The following ZNF407 variants were observed in gnomAD, a reference collection of about 807,000 sequenced individuals.
ZNF407 encodes zinc finger protein 407.
Under a neutral mutation model 131.2 loss-of-function variants are expected in ZNF407, and 17 were observed. The ratio of observed to expected loss-of-function variants is 0.13; its 90% CI spans 0.09 to 0.19. ZNF407 has a LOEUF of 0.19. Ranked by LOEUF, ZNF407 falls within the 10% of genes least tolerant of loss-of-function variation. The probability of loss-of-function intolerance (pLI) is 1.00; values close to 1 mark genes in which losing one functional copy is unlikely to be tolerated. For synonymous variants in ZNF407, 1,156 were observed against 1,062.0 expected, an observed-to-expected ratio of 1.09 and a Z score of -1.72; for missense variants, 2,681 against 2,830.6, an observed-to-expected ratio of 0.95 and a Z score of 1.20.
intron 4 of ZNF407, among the ~76,000 whole-genome samples, chr18:74,829,674 C>T (rs537131244): frequency 1.4e-4 from 21 of 152,242 alleles, no homozygotes; most frequent in Non-Finnish European, 2.4e-4. Flanking sequence ...GAGACAAAAA[C>T]ACTCTGGAAT....
chr18:74,602,686 G>A (rs762630689), intron 1 of ZNF407, among the ~76,000 whole-genome samples: 3 of 152,172 alleles, frequency 2.0e-5, no homozygotes, highest in Non-Finnish European at 4.4e-5. Flanking sequence ...TTAAATGGTA[G>A]AGCCAGGATT....
At chr18:74,837,920 T>C (rs924060976) in intron 4 of ZNF407, among the ~76,000 whole-genome samples, 3 of 152,178 alleles carry the variant, frequency 2.0e-5, no homozygotes. Context: ...TTCCAAAGTG[T>C]TGGGATTACA....
intron 4 of ZNF407, among the ~76,000 whole-genome samples, chr18:74,841,934 G>A (rs1159884783): frequency 6.6e-6 from 1 of 152,124 alleles, no homozygotes; most frequent in African/African-American, 2.4e-5. Flanking sequence ...TCCTAAAATT[G>A]TGAACTTTCT....
At chr18:74,602,476 A>G (rs955855189) in intron 1 of ZNF407, among the ~76,000 whole-genome samples, 1 of 152,248 alleles carries the variant, frequency 6.6e-6, no homozygotes, top group African/African-American at 2.4e-5. Context: ...ACTTAGGGAC[A>G]GTAAAAGGCA....
intron 8 of ZNF407, among the ~76,000 whole-genome samples, chr18:74,996,370 A>G (rs1972780449): frequency 6.6e-6 from 1 of 152,226 alleles, no homozygotes; most frequent in Non-Finnish European, 1.5e-5. Flanking sequence ...ATCACTTATT[A>G]TGGCAGTAAA....
intron 3 of ZNF407, among the ~76,000 whole-genome samples, chr18:74,756,711 A>C (rs538074787): frequency 6.7e-6 from 1 of 148,938 alleles, no homozygotes; most frequent in Non-Finnish European, 1.5e-5. Context: ...TCTGTGTACA[A>C]GATCCTGTCA....
Position 74,632,923 on chromosome 18 carries a change from C to T in ZNF407, c.1904C>T (p.Ala635Val). ...GAAAAAGATGTGGAAGAACACAAAG[C>T]CACCGAGAAGCATATTAATTCATTG... Reference protein sequence around the residue: ...LSEKDVEEHKATEKHINSLVQ... With the variant: ...LSEKDVEEHKVTEKHINSLVQ... The change falls in exon 2 of 9, where the codon GCC becomes GTC. Residue 635 changes from alanine (A) to valine (V), a missense_variant. Around this residue, in one of 6 missense-constraint regions of ZNF407, gnomAD observed 1,789 missense variants for 1,748.7 expected, o/e 1.02. Transcript: ENST00000299687. 1 of 1,612,860 alleles carries T rather than the reference C, an allele frequency of 6.2e-7. No homozygotes were observed. Among genetic ancestry groups the T allele is most frequent in the South Asian group, 1.1e-5 (1 of 91,038 alleles).
chr18:74,722,483 C>A (rs1329509991), intron 3 of ZNF407, among the ~76,000 whole-genome samples: 6 of 152,166 alleles, frequency 3.9e-5, no homozygotes, highest in Non-Finnish European at 5.9e-5. Context: ...TCCTCATTGG[C>A]TTTCTGTCAA....
intron 7 of ZNF407, among the ~76,000 whole-genome samples, chr18:74,892,617 A>G (rs1971400876): frequency 6.6e-6 from 1 of 152,166 alleles, no homozygotes; most frequent in Non-Finnish European, 1.5e-5. Flanking sequence ...CGTTGTTTAG[A>G]ATACCTGCCA....
intron 7 of ZNF407, among the ~76,000 whole-genome samples, chr18:74,899,232 A>T (rs1342812583): frequency 6.6e-6 from 1 of 152,214 alleles, no homozygotes. Flanking sequence ...TGAGTCAGAG[A>T]GGGATCCAAC....
intron 1 of ZNF407, among the ~76,000 whole-genome samples, chr18:74,612,787 G>A (rs948625623): frequency 1.3e-5 from 2 of 152,176 alleles, no homozygotes; most frequent in Non-Finnish European, 2.9e-5. Context: ...TTGCCCATGG[G>A]CACAGAGAGA....
At chr18:74,819,615 C>A (rs941350192) in intron 4 of ZNF407, among the ~76,000 whole-genome samples, 2 of 152,120 alleles carry the variant, frequency 1.3e-5, no homozygotes, top group Non-Finnish European at 2.9e-5. Flanking sequence ...ATTCCTAGGA[C>A]GGGACCTGTG....
intron 4 of ZNF407, among the ~76,000 whole-genome samples, chr18:74,815,992 G>A (rs1245784365): frequency 6.6e-6 from 1 of 152,138 alleles, no homozygotes; most frequent in Non-Finnish European, 1.5e-5. Context: ...TCTAAGTATG[G>A]ACTGCGTTTA....
At chr18:75,029,140 T>G (rs1392708838) in intron 8 of ZNF407, among the ~76,000 whole-genome samples, 1 of 152,194 alleles carries the variant, frequency 6.6e-6, no homozygotes, top group Non-Finnish European at 1.5e-5. Flanking sequence ...GAAAATTCAT[T>G]GCCAAAATTT....
At chr18:74,777,751 C>CTCAT (rs57785452) in intron 3 of ZNF407, among the ~76,000 whole-genome samples, 95,313 of 150,480 alleles carry the variant, frequency 0.63, 31,329 homozygotes, top group East Asian at 0.83. Context: ...CTCTCTCTCT[C>CTCAT]ATTCACTCAA....
rs1599132905 is a variant in ZNF407, at chr18:74,617,127, C to T, written c.-53-13840C>T. On this transcript the variant is annotated intron_variant, in intron 1 of 8. Coordinates refer to ENST00000299687, the MANE Select transcript of ZNF407 (RefSeq NM_017757.3). Reference sequence around the variant, plus strand: ...TCCATATCCACACACCACACACATCCATATCCACACACCACACACATCCAT... The same window carrying T: ...TCCATATCCACACACCACACACATCTATATCCACACACCACACACATCCAT... 8.4e-3 allele frequency among the ~76,000 whole-genome samples: 1,128 copies of T among 134,752 alleles called. 2 individuals carry two copies. The highest frequency in any genetic ancestry group is 0.013 in the East Asian group (53 of 4,158). 88.4% of individuals were successfully genotyped at this position (134,752 alleles called of 152,430 possible). A position where few individuals can be genotyped will look rare whatever the true frequency, so the allele number is the denominator to read the frequency against.
chr18:74,936,420 A>G (rs1432822468), intron 8 of ZNF407, among the ~76,000 whole-genome samples: 2 of 152,182 alleles, frequency 1.3e-5, no homozygotes, highest in Admixed American at 1.3e-4. Context: ...ATGTTAGTTT[A>G]TGCAGACGTT....
At chr18:75,033,796 A>G (rs1277181106) in intron 8 of ZNF407, among the ~76,000 whole-genome samples, 2 of 152,320 alleles carry the variant, frequency 1.3e-5, no homozygotes, top group South Asian at 2.1e-4. Flanking sequence ...TCCTGTCTTC[A>G]GTTTTTCTGT....
chr18:74,683,371 A>G (rs1402573324), intron 3 of ZNF407, among the ~76,000 whole-genome samples: 1 of 152,234 alleles, frequency 6.6e-6, no homozygotes. Flanking sequence ...TTATTCTAGA[A>G]CAACAAACTA....
Sources: allele counts gnomAD v4.1 joint callset (sites outside exome capture counted in the v4.1 genomes callset), GRCh38; gene constraint gnomAD v4.1.1; regional missense constraint gnomAD v4.1.1; transcripts MANE v1.5; gene names NCBI Gene and HGNC (gene_info 2026-07-23, HGNC 2026-07-21).